PLCG2: variants seen among roughly 807,000 people sequenced by gnomAD.
PLCG2 encodes 1-phosphatidylinositol 4,5-bisphosphate phosphodiesterase gamma-2.
Under a neutral mutation model 175.6 loss-of-function variants are expected in PLCG2, and 69 were observed. The observed-to-expected ratio is 0.39, with a 90% CI of 0.32 to 0.48. PLCG2 has a LOEUF of 0.48. Among genes scored for constraint, PLCG2 ranks in the 20% least tolerant of loss-of-function variants. PLCG2 has a pLI of 0.91. For missense variants in PLCG2, 1,798 were observed against 1,650.9 expected (o/e 1.09, Z -1.54); for synonymous variants, 827 against 624.0 (o/e 1.33, Z -4.85).
chr16:81,887,580 T>A (rs1456007352), intron 9 of PLCG2, among the ~76,000 whole-genome samples: 3 of 152,252 alleles, frequency 2.0e-5, no homozygotes, highest in Non-Finnish European at 4.4e-5. Flanking sequence ...TTCATTTTTG[T>A]CTTGCACCCA....
In PLCG2 at chr16:81,919,502, G is replaced by A. The variant is rs377223625; in HGVS notation, c.2073G>A (p.Lys691=). 9.7e-5 allele frequency: 157 copies of A among 1,613,930 alleles called. No homozygotes were observed. The highest frequency in any genetic ancestry group is 1.2e-4 in the Non-Finnish European group (146 of 1,179,998). ...GCTCCAGGGCTAGGGGCAAGGTAAA[G>A]CATTGTCGCATCAACCGGGACGGCC... ...AITFRARGKV[K]HCRINRDGRH... is the part of the protein sequence containing the mutation. The change falls in exon 20 of 33, where the codon AAG becomes AAA. Residue 691 remains lysine, a synonymous_variant. Coordinates refer to ENST00000564138, the MANE Select transcript of PLCG2 (RefSeq NM_002661.5).
Position 81,872,932 on chromosome 16 carries a change from A to T in PLCG2, c.648+1997A>T, listed in dbSNP as rs114956198. Among the ~76,000 whole-genome samples the T allele has an allele frequency of 5.9e-3, 899 of 152,360 alleles. 8 individuals carry two copies. Among genetic ancestry groups the T allele is most frequent in the African/African-American group, 0.018 (759 of 41,576 alleles). The stretch of plus-strand genomic sequence containing the variant: ...AGAGCTGTGGGCTGGCCACACAGTG[A>T]GGCCACCTGATGGGTGACCACTGGC... On this transcript the variant is annotated intron_variant, in intron 7 of 32. Coordinates refer to ENST00000564138, the MANE Select transcript of PLCG2 (RefSeq NM_002661.5).
chr16:81,799,820 C>T (rs149653795), intron 2 of PLCG2, among the ~76,000 whole-genome samples: 3 of 150,128 alleles, frequency 2.0e-5, no homozygotes, highest in African/African-American at 4.9e-5. Flanking sequence ...GTCTCGATCT[C>T]CTGACCTCGT....
intron 2 of PLCG2, among the ~76,000 whole-genome samples, chr16:81,853,797 A>G (rs537582680): frequency 6.6e-5 from 10 of 152,286 alleles, no homozygotes; most frequent in South Asian, 6.2e-4. Flanking sequence ...GCTGTGGCCC[A>G]TTAGTAACAG....
At chr16:81,790,047 C>T (rs747631050) in intron 2 of PLCG2, among the ~76,000 whole-genome samples, 1 of 152,220 alleles carries the variant, frequency 6.6e-6, no homozygotes, top group Non-Finnish European at 1.5e-5. Flanking sequence ...TACCTCCACT[C>T]TCTGAACTTT....
chr16:81,846,978 C>G (rs768734518), intron 2 of PLCG2, among the ~76,000 whole-genome samples: 1 of 152,164 alleles, frequency 6.6e-6, no homozygotes, highest in South Asian at 2.1e-4. Flanking sequence ...CTGATACTAT[C>G]TACTTGGAGC....
rs1399784463 is a variant in PLCG2, at chr16:81,958,957, T to C, written c.*959T>C. On this transcript the variant is annotated 3_prime_UTR_variant, in exon 33 of 33. Transcript: ENST00000564138. ...AGCTTTAATGGGCTAAGCATTAGGG[T>C]GTTACAGAAAATTTCAAATGCAGCC... is the stretch of plus-strand genomic sequence containing the variant. The C allele has an allele frequency of 4.5e-6, 1 of 223,104 alleles. No homozygotes were observed. Among genetic ancestry groups the C allele is most frequent in the Admixed American group, 5.7e-5 (1 of 17,408 alleles). The allele number at this position is 223,104 out of a possible 1,614,324, so 13.8% of individuals were successfully genotyped here.
At chr16:81,856,472 TG>T (rs1320810379) in intron 3 of PLCG2, among the ~76,000 whole-genome samples, 1 of 152,112 alleles carries the variant, frequency 6.6e-6, no homozygotes, top group Non-Finnish European at 1.5e-5. Context: ...ATAGCAACCA[TG>T]GGTATTAGCA....
chr16:81,961,194 C>A lies in PLCG2; in HGVS notation c.*3196C>A, dbSNP rs1008979719. Reference sequence around the variant, plus strand: ...AAGGGGTTGGAAGAATTCAGTGATTCTGCTATCATAAAGCTTCCGTTCCCA... The same window carrying A: ...AAGGGGTTGGAAGAATTCAGTGATTATGCTATCATAAAGCTTCCGTTCCCA... On this transcript the variant is annotated 3_prime_UTR_variant, in exon 33 of 33. Transcript: ENST00000564138. 1 of 228,004 alleles carries A rather than the reference C, an allele frequency of 4.4e-6. No individual in the cohort carries two copies. Among genetic ancestry groups the A allele is most frequent in the Non-Finnish European group, 8.7e-6 (1 of 114,866 alleles). 14.1% of individuals were successfully genotyped at this position (228,004 alleles called of 1,614,324 possible).
chr16:81,751,733 T>G (rs1909816062), intron 1 of PLCG2, among the ~76,000 whole-genome samples: 1 of 152,096 alleles, frequency 6.6e-6, no homozygotes, highest in African/African-American at 2.4e-5. Context: ...TATAAATATG[T>G]AAAAGAGTCC....
chr16:81,817,725 AC>A (rs1388073187), intron 2 of PLCG2, among the ~76,000 whole-genome samples: 5 of 152,006 alleles, frequency 3.3e-5, no homozygotes, highest in Non-Finnish European at 7.4e-5. Context: ...GACTCAAGCG[AC>A]CCCCATGCCC....
At chr16:81,835,452 C>T (rs757830074) in intron 2 of PLCG2, among the ~76,000 whole-genome samples, 13 of 152,002 alleles carry the variant, frequency 8.6e-5, no homozygotes, top group African/African-American at 2.2e-4. Context: ...AAAAATTCGC[C>T]GGGTGTGGTG....
At chr16:81,860,827 C>G (rs1906943160) in intron 5 of PLCG2, among the ~76,000 whole-genome samples, 1 of 151,966 alleles carries the variant, frequency 6.6e-6, no homozygotes, top group Admixed American at 6.6e-5. Flanking sequence ...AAAAATTAGC[C>G]AGGCATGGTA....
At chr16:81,844,256 G>C (rs1177587992) in intron 2 of PLCG2, among the ~76,000 whole-genome samples, 1 of 149,254 alleles carries the variant, frequency 6.7e-6, no homozygotes, top group African/African-American at 2.5e-5. Flanking sequence ...GCCTCCCAAA[G>C]TGCTGGGATT....
At position 81,956,856 on chromosome 16, in the gene PLCG2, G is replaced by C; in HGVS notation, c.3732G>C (p.Leu1244=). The change falls in exon 32 of 33, where the codon CTG becomes CTC. Residue 1244 remains leucine (L), a synonymous_variant. Coordinates refer to ENST00000564138, the MANE Select transcript of PLCG2 (RefSeq NM_002661.5). ...GTGTTAATGAGAACCAGCTCCAGCT[G>C]TACCAGGAGAAATGCAACAAGAGGT... The part of the protein sequence containing the change: ...EFSVNENQLQ[L]YQEKCNKRLR... 1 of 1,613,568 alleles carries C rather than the reference G, an allele frequency of 6.2e-7. No individual in the cohort carries two copies. Among genetic ancestry groups the C allele is most frequent in the Non-Finnish European group, 8.5e-7 (1 of 1,179,706 alleles).
chr16:81,771,057 C>CAAAAAAAAAA (rs762815312), intron 2 of PLCG2, among the ~76,000 whole-genome samples: 1 of 94,574 alleles, frequency 1.1e-5, no homozygotes. Flanking sequence ...GACTCCATCT[C>CAAAAAAAAAA]AAAAAAAAAA....
chr16:81,821,318 T>C (rs1328814613), intron 2 of PLCG2, among the ~76,000 whole-genome samples: 1 of 152,252 alleles, frequency 6.6e-6, no homozygotes, highest in Non-Finnish European at 1.5e-5. Context: ...TGTTGTCTCT[T>C]GCTGTGTAAC....
intron 20 of PLCG2, among the ~76,000 whole-genome samples, chr16:81,920,189 C>T (rs149839489): frequency 9.5e-4 from 144 of 152,242 alleles, no homozygotes; most frequent in African/African-American, 3.3e-3. Flanking sequence ...GCTCATAGGC[C>T]ATTGTAAGGC....
At chr16:81,770,492 C>T (rs572786134) in intron 2 of PLCG2, among the ~76,000 whole-genome samples, 6 of 152,150 alleles carry the variant, frequency 3.9e-5, no homozygotes, top group Admixed American at 1.3e-4. Flanking sequence ...GTGGGAGAGT[C>T]GTTTGAGCTC....
Sources: allele counts gnomAD v4.1 joint callset (sites outside exome capture counted in the v4.1 genomes callset), GRCh38; gene constraint gnomAD v4.1.1; transcripts MANE v1.5; gene names NCBI Gene and HGNC (gene_info 2026-07-23, HGNC 2026-07-21).